Variants in OTOL1 observed in about 807,000 individuals in gnomAD.
OTOL1 encodes the protein otolin-1.
In OTOL1, 31 loss-of-function variants were observed where a neutral mutation model predicts 25.0. The ratio of observed to expected loss-of-function variants is 1.24; its 90% confidence interval spans 0.93 to 1.67. OTOL1 has a LOEUF of 1.67. Ranked by LOEUF, OTOL1 falls within the 40% of genes most tolerant of loss-of-function variation. OTOL1 has a pLI of 0.00. For synonymous variants in OTOL1, 225 were observed against 210.3 expected (o/e 1.07, Z -0.61); for missense variants, 654 against 587.7 (o/e 1.11, Z -1.17).
chr3:161,501,217 G>A (rs16832548), intron 2 of OTOL1, among the ~76,000 whole-genome samples: 1 of 152,120 alleles, frequency 6.6e-6, no homozygotes, highest in South Asian at 2.1e-4. Flanking sequence ...GTGTGCTATA[G>A]AAGAGGCTGT....
intron 2 of OTOL1, 96 bp downstream of exon 2, chr3:161,499,356 T>C: frequency 1.2e-6 from 1 of 861,050 alleles, no homozygotes; most frequent in Non-Finnish European, 1.8e-6. Flanking sequence ...TGCAGATGAG[T>C]CAATTTTAAA....
chr3:161,499,660 G>A (rs1458246836), intron 2 of OTOL1, among the ~76,000 whole-genome samples: 1 of 152,064 alleles, frequency 6.6e-6, no homozygotes, highest in African/African-American at 2.4e-5. Flanking sequence ...ACTAGAGCAG[G>A]CAATTCTCTG....
rs747941350 is a variant in OTOL1, at chr3:161,503,295, G to T, written c.787G>T (p.Gly263Trp). 4 of 1,510,128 alleles carry T rather than the reference G, an allele frequency of 2.6e-6. No homozygotes were observed. The highest frequency in any genetic ancestry group is 3.5e-6 in the Non-Finnish European group (4 of 1,130,888). 93.5% of individuals were successfully genotyped at this position (1,510,128 alleles called of 1,614,324 possible). The change falls in exon 4 of 4, where the codon GGG becomes TGG. Residue 263 changes from glycine (G) to tryptophan (W), a missense_variant. Physicochemically the swap from Gly to Trp is radical, Grantham distance 184. Coordinates refer to ENST00000327928, the MANE Select transcript of OTOL1 (RefSeq NM_001080440.1). ...ACAGAAAGGTGAGGGGGGTATGAAA[G>T]GGGAAAAAGGTAGCAAAGGAGACAG... ...KGQKGEGGMK[G>W]EKGSKGDSGM...
Position 161,503,776 on chromosome 3 carries a change from A to G in OTOL1, c.1268A>G (p.Glu423Gly). 1 of 1,613,934 alleles carries G rather than the reference A, an allele frequency of 6.2e-7. No homozygotes were observed. Among genetic ancestry groups the G allele is most frequent in the African/African-American group, 1.3e-5 (1 of 75,046 alleles). The stretch of plus-strand genomic sequence containing the variant: ...TCCAGAGAAACTCTCTATGGTCAGG[A>G]AATAGACCAGGCCTCTCTCCTCGTC... ...FKSRETLYGQ[E>G]IDQASLLVIL... Residue 423 changes from glutamate (E) to glycine (G), a missense_variant, in exon 4 of 4, where the codon GAA (glutamate) becomes GGA (glycine). Transcript: ENST00000327928.
intron 1 of OTOL1, among the ~76,000 whole-genome samples, chr3:161,498,510 C>G (rs1295378204): frequency 6.6e-6 from 1 of 152,138 alleles, no homozygotes; most frequent in Non-Finnish European, 1.5e-5. Flanking sequence ...TTTGGGAAAT[C>G]TTAATCTATT....
Position 161,496,986 on chromosome 3 carries a change from C to T in OTOL1, c.179C>T (p.Thr60Ile). Residue 60 changes from threonine to isoleucine, a missense_variant, in exon 1 of 4, where the codon ACA becomes ATA. Transcript: ENST00000327928. ...PPPEEEETLF[T>I]EMAEMAEPIT... ...CCAGAAGAAGAAGAAACCCTCTTCA[C>T]AGAAATGGCTGAAATGGCAGAACCA... 1 of 1,613,546 alleles carries T rather than the reference C, an allele frequency of 6.2e-7. No homozygotes were observed. The highest frequency in any genetic ancestry group is 8.5e-7 in the Non-Finnish European group (1 of 1,179,626).
At chr3:161,499,336 A>G in intron 2 of OTOL1, 76 bp downstream of exon 2, 1 of 1,102,860 alleles carries the variant, frequency 9.1e-7, no homozygotes, top group South Asian at 1.5e-5. Context: ...CTACTTAAAG[A>G]CTAGATTCTT....
intron 1 of OTOL1, among the ~76,000 whole-genome samples, chr3:161,498,351 A>G (rs1718885372): frequency 6.6e-6 from 1 of 152,080 alleles, no homozygotes; most frequent in African/African-American, 2.4e-5. Flanking sequence ...CTCTAAATAT[A>G]TATGACAAAT....
chr3:161,498,843 A>T (rs1576945744), intron 1 of OTOL1, among the ~76,000 whole-genome samples: 1 of 152,132 alleles, frequency 6.6e-6, no homozygotes, highest in Admixed American at 6.6e-5. Flanking sequence ...TTTACTTCCA[A>T]TGTGAAAGTG....
At chr3:161,497,245 A>T in intron 1 of OTOL1, 74 bp downstream of exon 1, 1 of 1,513,218 alleles carries the variant, frequency 6.6e-7, no homozygotes. Context: ...GTCGGGTGAA[A>T]TTGCCCCAGG....
In OTOL1 at chr3:161,503,046, G is replaced by A; in HGVS notation, c.538G>A (p.Asp180Asn). 1 of 1,360,676 alleles carries A rather than the reference G, an allele frequency of 7.3e-7. No individual in the cohort carries two copies. Among genetic ancestry groups the A allele is most frequent in the Non-Finnish European group, 9.5e-7 (1 of 1,051,766 alleles). The allele number at this position is 1,360,676 out of a possible 1,614,324, so 84.3% of individuals were successfully genotyped here. Residue 180 changes from aspartate to asparagine, a missense_variant, in exon 4 of 4, where the codon GAT (aspartate) becomes AAT (asparagine). Coordinates refer to ENST00000327928, the MANE Select transcript of OTOL1 (RefSeq NM_001080440.1). ...GAQGEPGPKGDKGNIGLGGVK... is the reference protein window; with the variant it reads ...GAQGEPGPKGNKGNIGLGGVK... ...TTCAGGTGAACCTGGCCCTAAGGGAGATAAAGGAAACATTGGTTTGGGAGG... is the reference window on the plus strand; with the variant it reads ...TTCAGGTGAACCTGGCCCTAAGGGAAATAAAGGAAACATTGGTTTGGGAGG...
chr3:161,497,197 T>C (rs746224506), intron 1 of OTOL1, 26 bp downstream of exon 1: 3 of 1,585,448 alleles, frequency 1.9e-6, no homozygotes, highest in African/African-American at 2.7e-5. Flanking sequence ...AGAAGTCATG[T>C]TTCTCACTTG....
chr3:161,501,529 CT>C (rs1283018478), intron 2 of OTOL1, among the ~76,000 whole-genome samples: 1 of 148,906 alleles, frequency 6.7e-6, no homozygotes, highest in African/African-American at 2.5e-5. Context: ...TACATAGATA[CT>C]CTATATAAAG....
At chr3:161,500,331 C>T (rs1246080224) in intron 2 of OTOL1, among the ~76,000 whole-genome samples, 1 of 151,970 alleles carries the variant, frequency 6.6e-6, no homozygotes, top group Non-Finnish European at 1.5e-5. Flanking sequence ...TAGCAGAAAA[C>T]CTTGTGAAAT....
chr3:161,499,369 T>C, intron 2 of OTOL1, 109 bp downstream of exon 2: 1 of 745,766 alleles, frequency 1.3e-6, no homozygotes, highest in Non-Finnish European at 2.2e-6. Context: ...ATTTTAAAAA[T>C]GTAAATACTT....
Position 161,503,042 on chromosome 3 carries a change from G to A in OTOL1, c.534G>A (p.Lys178=), listed in dbSNP as rs1182273144. 1 of 1,355,478 alleles carries A rather than the reference G, an allele frequency of 7.4e-7. No homozygotes were observed. The highest frequency in any genetic ancestry group is 9.5e-7 in the Non-Finnish European group (1 of 1,048,824). 84.0% of individuals were successfully genotyped at this position (1,355,478 alleles called of 1,614,324 possible). The change falls in exon 4 of 4, where the codon AAG becomes AAA. Residue 178 remains lysine, a synonymous_variant. Coordinates refer to ENST00000327928, the MANE Select transcript of OTOL1 (RefSeq NM_001080440.1). ...CCATTTCAGGTGAACCTGGCCCTAA[G>A]GGAGATAAAGGAAACATTGGTTTGG... The part of the protein sequence containing the change: ...KPGAQGEPGP[K]GDKGNIGLGG...
rs185972303 is a variant in OTOL1 at position 161,503,252 on chromosome 3, G to A, written c.744G>A (p.Gly248=). The A allele has an allele frequency of 5.8e-4, 851 of 1,462,158 alleles. 11 individuals are homozygous for A. In the South Asian group the frequency reaches 0.01, roughly 18 times the overall value. The allele number at this position is 1,462,158 out of a possible 1,614,324, so 90.6% of individuals were successfully genotyped here. A position where few individuals can be genotyped will look rare whatever the true frequency, so the allele number is the denominator to read the frequency against. The change falls in exon 4 of 4, where the codon GGG becomes GGA. Residue 248 remains glycine, a synonymous_variant. Coordinates refer to ENST00000327928, the MANE Select transcript of OTOL1 (RefSeq NM_001080440.1). The stretch of plus-strand genomic sequence containing the variant: ...ATAAGGGCTGCTGTGGAGATTCTGG[G>A]GAGAGGGGAGGAAAAGGACAGAAAG... ...MGDKGCCGDS[G]ERGGKGQKGE...
At chr3:161,499,129 G>A in intron 1 of OTOL1, 42 bp from the exon 2 acceptor site, 2 of 1,475,886 alleles carry the variant, frequency 1.4e-6, no homozygotes, top group East Asian at 2.4e-5. Flanking sequence ...AACTTTAAAA[G>A]AGAAATTTTA....
chr3:161,497,619 C>G (rs1192842622), intron 1 of OTOL1, among the ~76,000 whole-genome samples: 1 of 152,026 alleles, frequency 6.6e-6, no homozygotes, highest in African/African-American at 2.4e-5. Context: ...ACTTCTGTTG[C>G]CTTGCAAGAA....
Sources: gnomAD v4.1 joint callset for allele counts (sites outside exome capture counted in the v4.1 genomes callset) on GRCh38, gnomAD v4.1.1 for gene constraint, MANE v1.5 for transcripts, NCBI Gene and HGNC (gene_info 2026-07-23, HGNC 2026-07-21) for gene names.